The following CFAP299 variants were observed in gnomAD, a reference collection of about 807,000 sequenced individuals.
The protein encoded by CFAP299 is cilia and flagella associated protein 299, also known as cilia- and flagella-associated protein 299.
Under a neutral mutation model 27.0 loss-of-function variants are expected in CFAP299, and 21 were observed. The ratio of observed to expected loss-of-function variants is 0.78; its 90% CI spans 0.55 to 1.12. The LOEUF (loss-of-function observed/expected upper bound fraction) is 1.12, where lower values mean the gene tolerates loss of function less well. CFAP299 is among the 50% of genes most tolerant of loss of function. The probability of loss-of-function intolerance (pLI) is 0.00; values close to 1 mark genes in which losing one functional copy is unlikely to be tolerated. For synonymous variants in CFAP299, 104 were observed against 98.1 expected (o/e 1.06, Z -0.36); for missense variants, 310 against 276.6 (o/e 1.12, Z -0.86).
At chr4:80,789,236 T>A (rs1046255252) in intron 3 of CFAP299, among the ~76,000 whole-genome samples, 2 of 152,080 alleles carry the variant, frequency 1.3e-5, no homozygotes, top group Non-Finnish European at 2.9e-5. Flanking sequence ...GTGTGTAAGA[T>A]GTTATTGAAG....
chr4:80,694,150 C>G (rs1335269937), intron 3 of CFAP299, among the ~76,000 whole-genome samples: 3 of 152,150 alleles, frequency 2.0e-5, no homozygotes, highest in Non-Finnish European at 4.4e-5. Context: ...GCAGTGCATT[C>G]TTTGGAATCT....
intron 3 of CFAP299, among the ~76,000 whole-genome samples, chr4:80,849,808 C>G (rs906561195): frequency 6.6e-6 from 1 of 151,940 alleles, no homozygotes; most frequent in Admixed American, 6.6e-5. Flanking sequence ...TTCTATTGCA[C>G]AGTAGGGGGA....
chr4:80,620,288 G>A (rs1738513946), intron 3 of CFAP299, among the ~76,000 whole-genome samples: 1 of 152,106 alleles, frequency 6.6e-6, no homozygotes, highest in Non-Finnish European at 1.5e-5. Flanking sequence ...GGTATATTAA[G>A]AGAAGTAATA....
At chr4:80,748,259 T>C (rs1359701495) in intron 3 of CFAP299, among the ~76,000 whole-genome samples, 4 of 152,146 alleles carry the variant, frequency 2.6e-5, no homozygotes, top group African/African-American at 9.7e-5. Context: ...TAAATAGCCC[T>C]CTAATTAGTC....
At chr4:80,561,651 A>G (rs1010571639) in intron 2 of CFAP299, among the ~76,000 whole-genome samples, 5 of 152,034 alleles carry the variant, frequency 3.3e-5, no homozygotes, top group African/African-American at 4.8e-5. Flanking sequence ...GAGGTGAAAA[A>G]TGTGACTGTC....
At chr4:80,644,485 TTC>T in intron 3 of CFAP299, among the ~76,000 whole-genome samples, 1 of 152,298 alleles carries the variant, frequency 6.6e-6, no homozygotes, top group African/African-American at 2.4e-5. Context: ...ACCTAACAAT[TTC>T]ATTCAGTGGT....
At chr4:80,477,055 C>G (rs1431822999) in intron 2 of CFAP299, among the ~76,000 whole-genome samples, 2 of 151,904 alleles carry the variant, frequency 1.3e-5, no homozygotes, top group African/African-American at 4.8e-5. Context: ...TCTACCATCT[C>G]TGCTTCTTTT....
intron 2 of CFAP299, among the ~76,000 whole-genome samples, chr4:80,398,177 G>A (rs183668149): frequency 0.017 from 2,604 of 152,188 alleles, 73 homozygotes; most frequent in African/African-American, 0.058. Flanking sequence ...ACTGCTCAAC[G>A]AAATAAAAGA....
At chr4:80,470,511 A>G (rs990310600) in intron 2 of CFAP299, among the ~76,000 whole-genome samples, 1 of 152,146 alleles carries the variant, frequency 6.6e-6, no homozygotes, top group African/African-American at 2.4e-5. Flanking sequence ...ACCTTATGCA[A>G]ATGTAACTAT....
chr4:80,931,971 G>A lies in CFAP299; in HGVS notation c.477-12839G>A, dbSNP rs905065663. Among the ~76,000 whole-genome samples the A allele has an allele frequency of 3.3e-5, 5 of 152,104 alleles. No homozygotes were observed. The East Asian group carries it at 7.7e-4, about 23-fold the overall frequency. On this transcript the variant is annotated intron_variant, in intron 4 of 5. Coordinates refer to ENST00000358105, the MANE Select transcript of CFAP299 (RefSeq NM_152770.3). ...TATTCCTTGCCTTCCCTCTCCCTGT[G>A]GTTTGCTCTTAGCAGGGAATCTTTA...
intron 3 of CFAP299, among the ~76,000 whole-genome samples, chr4:80,805,431 A>C (rs1213776532): frequency 6.6e-6 from 1 of 152,192 alleles, no homozygotes; most frequent in Non-Finnish European, 1.5e-5. Flanking sequence ...TATCACTTTC[A>C]TTCATAAAAT....
chr4:80,855,698 T>G (rs1731825970), intron 3 of CFAP299, among the ~76,000 whole-genome samples: 1 of 152,218 alleles, frequency 6.6e-6, no homozygotes, highest in Non-Finnish European at 1.5e-5. Context: ...AGAATGATGA[T>G]TTCCAATTTC....
chr4:80,860,815 C>CAG (rs1732287616), intron 3 of CFAP299, among the ~76,000 whole-genome samples: 1 of 152,130 alleles, frequency 6.6e-6, no homozygotes, highest in Admixed American at 6.6e-5. Context: ...TCAGTCTGCC[C>CAG]CTACTGGGGG....
chr4:80,763,686 C>T (rs571729135), intron 3 of CFAP299, among the ~76,000 whole-genome samples: 42 of 152,216 alleles, frequency 2.8e-4, no homozygotes, highest in African/African-American at 8.7e-4. Flanking sequence ...GGAGGCATCA[C>T]GCTAACTGAC....
chr4:80,946,469 C>G (rs1395552496), intron 5 of CFAP299, among the ~76,000 whole-genome samples: 3 of 152,166 alleles, frequency 2.0e-5, no homozygotes, highest in African/African-American at 7.2e-5. Flanking sequence ...CAAACCATCA[C>G]TTATGTTCCA....
chr4:80,764,963 T>C (rs1725775408), intron 3 of CFAP299, among the ~76,000 whole-genome samples: 1 of 151,986 alleles, frequency 6.6e-6, no homozygotes, highest in Non-Finnish European at 1.5e-5. Context: ...AAGGGAGGGA[T>C]AGCATAAGGA....
chr4:80,738,662 C>CTT (rs35802332), intron 3 of CFAP299, among the ~76,000 whole-genome samples: 33,398 of 141,588 alleles, frequency 0.24, 4,914 homozygotes, highest in African/African-American at 0.43. Context: ...ATCATTGGGT[C>CTT]TTTTTTTTTT....
At chr4:80,774,852 A>G (rs1726433790) in intron 3 of CFAP299, among the ~76,000 whole-genome samples, 1 of 152,042 alleles carries the variant, frequency 6.6e-6, no homozygotes, top group African/African-American at 2.4e-5. Flanking sequence ...GGGCACAGAC[A>G]TTCATCACAG....
At chr4:80,676,914 A>T (rs754539468) in intron 3 of CFAP299, among the ~76,000 whole-genome samples, 14 of 151,944 alleles carry the variant, frequency 9.2e-5, no homozygotes, top group Middle Eastern at 3.4e-3. Flanking sequence ...TTTTGTTGAT[A>T]TTCTGTATTT....
Sources: gnomAD v4.1 joint callset for allele counts (sites outside exome capture counted in the v4.1 genomes callset) on GRCh38, gnomAD v4.1.1 for gene constraint, MANE v1.5 for transcripts, NCBI Gene and HGNC (gene_info 2026-07-23, HGNC 2026-07-21) for gene names.